PPM1L: variants seen among roughly 807,000 people sequenced by gnomAD.
The protein encoded by PPM1L is protein phosphatase 1L.
PPM1L carries 13 observed loss-of-function variants against 31.4 expected under a neutral mutation model. The ratio of observed to expected loss-of-function variants is 0.41; its 90% CI spans 0.27 to 0.66. PPM1L has a LOEUF of 0.66. Ranked by LOEUF, PPM1L falls within the 30% of genes least tolerant of loss-of-function variation. The probability of loss-of-function intolerance (pLI) is 0.29; values close to 1 mark genes in which losing one functional copy is unlikely to be tolerated. For synonymous variants in PPM1L, 184 were observed against 175.4 expected, an observed-to-expected ratio of 1.05 and a Z score of -0.39; for missense variants, 326 against 453.7, an observed-to-expected ratio of 0.72 and a Z score of 2.56.
intron 1 of PPM1L, among the ~76,000 whole-genome samples, chr3:160,861,443 A>G (rs1576675783): frequency 6.6e-6 from 1 of 152,222 alleles, no homozygotes; most frequent in South Asian, 2.1e-4. Context: ...AATAATTCTT[A>G]TGCCAATTGC....
chr3:160,810,867 G>T (rs912661153), intron 1 of PPM1L, among the ~76,000 whole-genome samples: 1 of 152,146 alleles, frequency 6.6e-6, no homozygotes, highest in African/African-American at 2.4e-5. Context: ...ACTTGATGGT[G>T]GTTGCAGATT....
At chr3:161,046,949 A>C (rs1719100169) in intron 2 of PPM1L, among the ~76,000 whole-genome samples, 1 of 152,208 alleles carries the variant, frequency 6.6e-6, no homozygotes, top group Non-Finnish European at 1.5e-5. Context: ...TCAAAATAAT[A>C]AGAGCTACTT....
chr3:160,994,533 A>C (rs1273438189), intron 2 of PPM1L, among the ~76,000 whole-genome samples: 1 of 152,172 alleles, frequency 6.6e-6, no homozygotes, highest in African/African-American at 2.4e-5. Flanking sequence ...AGAAATCTCC[A>C]GGTTGGCCAC....
rs1007079411 is a variant in PPM1L at position 160,778,912 on chromosome 3, A to C, written c.399+22205A>C. Among the ~76,000 whole-genome samples the C allele has an allele frequency of 3.3e-5, 5 of 152,178 alleles. No homozygotes were observed. The East Asian group carries it at 9.6e-4, about 29-fold the overall frequency. ...TGCTTGGTGAAAACTGTGGTTGGTA[A>C]AGAATATGGTATGAAAAACTATTTC... On this transcript the variant is annotated intron_variant, in intron 1 of 3. Coordinates refer to ENST00000498165, the MANE Select transcript of PPM1L (RefSeq NM_139245.4).
rs552766728 is a variant in PPM1L at position 160,779,552 on chromosome 3, T to C, written c.399+22845T>C. ...TTTTTTTCTTTTTTGAGACAGGGTC[T>C]CATTCTGTTGCCCAGGCTGGAGTGC... On this transcript the variant is annotated intron_variant, in intron 1 of 3. Transcript: ENST00000498165. Among the ~76,000 whole-genome samples the C allele has an allele frequency of 3.3e-5, 5 of 152,256 alleles. No individual in the cohort carries two copies. In the South Asian group the frequency reaches 1.0e-3, roughly 32 times the overall value.
At chr3:161,000,340 A>G (rs1475347951) in intron 2 of PPM1L, among the ~76,000 whole-genome samples, 1 of 152,246 alleles carries the variant, frequency 6.6e-6, no homozygotes, top group Non-Finnish European at 1.5e-5. Context: ...ATGAGGAAAC[A>G]AAGAATGACC....
chr3:160,891,448 A>G (rs1294959758), intron 1 of PPM1L, among the ~76,000 whole-genome samples: 1 of 150,622 alleles, frequency 6.6e-6, no homozygotes, highest in African/African-American at 2.5e-5. Context: ...ATAATGAGAT[A>G]CCATCTCACA....
At chr3:160,970,964 G>A (rs1015081384) in intron 2 of PPM1L, among the ~76,000 whole-genome samples, 2 of 151,764 alleles carry the variant, frequency 1.3e-5, no homozygotes, top group Non-Finnish European at 2.9e-5. Context: ...CTAATTTTTT[G>A]TATTTTTAGT....
intron 1 of PPM1L, among the ~76,000 whole-genome samples, chr3:160,809,850 T>A (rs1223700810): frequency 3.3e-5 from 5 of 152,110 alleles, no homozygotes; most frequent in Non-Finnish European, 5.9e-5. Context: ...AAAGGCAAAT[T>A]TGATCCCTGA....
At chr3:161,014,807 A>G (rs1258782476) in intron 2 of PPM1L, among the ~76,000 whole-genome samples, 1 of 152,132 alleles carries the variant, frequency 6.6e-6, no homozygotes. Flanking sequence ...TATAAGCACT[A>G]ATGCTTCAGA....
chr3:160,944,063 G>T (rs1288917984), intron 1 of PPM1L, among the ~76,000 whole-genome samples: 4 of 152,048 alleles, frequency 2.6e-5, no homozygotes, highest in Non-Finnish European at 5.9e-5. Context: ...CTTGTTTATG[G>T]ACTATTTGGG....
At chr3:161,032,494 T>G (rs1163327934) in intron 2 of PPM1L, among the ~76,000 whole-genome samples, 5 of 152,174 alleles carry the variant, frequency 3.3e-5, no homozygotes, top group African/African-American at 1.2e-4. Context: ...GCCCTTGTGT[T>G]AGTAGATCAA....
At position 160,835,070 on chromosome 3, in the gene PPM1L, C is replaced by T. The variant is rs143886055; in HGVS notation, c.399+78363C>T. On this transcript the variant is annotated intron_variant, in intron 1 of 3. Transcript: ENST00000498165. ...TCTTCTTCTTCTTCTTCTTCTTCTTCTTCTTCTTCTTCTTCTTTCTTTTTT... is the reference window on the plus strand; with the variant it reads ...TCTTCTTCTTCTTCTTCTTCTTCTTTTTCTTCTTCTTCTTCTTTCTTTTTT... 6.2e-3 allele frequency among the ~76,000 whole-genome samples: 915 copies of T among 147,984 alleles called. 6 individuals are homozygous for T. Among genetic ancestry groups the T allele is most frequent in the Middle Eastern group, 7.0e-3 (2 of 286 alleles).
intron 1 of PPM1L, among the ~76,000 whole-genome samples, chr3:160,774,556 A>G (rs1052928166): frequency 1.3e-5 from 2 of 152,218 alleles, no homozygotes; most frequent in African/African-American, 4.8e-5. Flanking sequence ...TTGGGTTCTC[A>G]TAATAGTATC....
chr3:160,999,789 T>A (rs368171679), intron 2 of PPM1L, among the ~76,000 whole-genome samples: 1 of 152,224 alleles, frequency 6.6e-6, no homozygotes, highest in African/African-American at 2.4e-5. Flanking sequence ...TATTCAGAAC[T>A]TCACTAGGAA....
At chr3:160,928,653 T>C (rs9871801) in intron 1 of PPM1L, among the ~76,000 whole-genome samples, 40,933 of 152,070 alleles carry the variant, frequency 0.27, 5,761 homozygotes, top group East Asian at 0.51. Context: ...GTAGGGCCTT[T>C]AGGAGATGAT....
chr3:161,025,895 A>G (rs1351139442), intron 2 of PPM1L, among the ~76,000 whole-genome samples: 2 of 152,228 alleles, frequency 1.3e-5, no homozygotes, highest in Non-Finnish European at 2.9e-5. Context: ...TTCTTATAAT[A>G]ATATTTTAAA....
chr3:160,925,935 T>C (rs1714571205), intron 1 of PPM1L, among the ~76,000 whole-genome samples: 1 of 152,180 alleles, frequency 6.6e-6, no homozygotes, highest in Non-Finnish European at 1.5e-5. Context: ...ATATTCTAGC[T>C]GTAGTATAAG....
At chr3:160,835,089 CT>C (rs1713668898) in intron 1 of PPM1L, among the ~76,000 whole-genome samples, 1 of 60,796 alleles carries the variant, frequency 1.6e-5, no homozygotes, top group Admixed American at 1.5e-4. Flanking sequence ...CTTCTTCTTT[CT>C]TTTTTCTTTC....
Sources: allele counts gnomAD v4.1 joint callset (sites outside exome capture counted in the v4.1 genomes callset), GRCh38; gene constraint gnomAD v4.1.1; transcripts MANE v1.5; gene names NCBI Gene and HGNC (gene_info 2026-07-23, HGNC 2026-07-21).